ZNRF3: variants seen among roughly 807,000 people sequenced by gnomAD.
ZNRF3 encodes the protein zinc and ring finger 3, also known as E3 ubiquitin-protein ligase ZNRF3.
A neutral mutation model predicts 72.5 loss-of-function variants in ZNRF3; 23 were observed. That is an observed-to-expected ratio of 0.32 (90% CI 0.23 to 0.45). The LOEUF is 0.45. Ranked by LOEUF, ZNRF3 falls within the 20% of genes least tolerant of loss-of-function variation. ZNRF3 has a pLI of 1.00. For missense variants in ZNRF3, 1,169 were observed against 1,272.1 expected (o/e 0.92, Z 1.23); for synonymous variants, 610 against 545.3 (o/e 1.12, Z -1.65).
chr22:29,028,564 T>A (rs1389671123), intron 2 of ZNRF3, among the ~76,000 whole-genome samples: 2 of 152,218 alleles, frequency 1.3e-5, no homozygotes, highest in Non-Finnish European at 2.9e-5. Context: ...ACACTTGATT[T>A]TAGAACCCCC....
intron 1 of ZNRF3, among the ~76,000 whole-genome samples, chr22:28,981,659 C>A (rs1453202353): frequency 2.0e-5 from 3 of 152,182 alleles, no homozygotes; most frequent in Non-Finnish European, 4.4e-5. Context: ...CGGGGATATT[C>A]TCAGCAAAAC....
At position 29,054,847 on chromosome 22, in the gene ZNRF3, C is replaced by T. The variant is rs2037271656; in HGVS notation, c.*1225C>T. On this transcript the variant is annotated 3_prime_UTR_variant, in exon 9 of 9. Coordinates refer to ENST00000544604, the MANE Select transcript of ZNRF3 (RefSeq NM_001206998.2). ...CCATTTGAATGATACCTTTCCTATC[C>T]CATTTCCCCCACGGAAGCACCGCTT... 9.3e-6 allele frequency: 1 copy of T among 107,264 alleles called. No homozygotes were observed. The highest frequency in any genetic ancestry group is 3.7e-4 in the South Asian group (1 of 2,724). 6.6% of individuals were successfully genotyped at this position (107,264 alleles called of 1,614,324 possible). A position where few individuals can be genotyped will look rare whatever the true frequency, so the allele number is the denominator to read the frequency against.
intron 2 of ZNRF3, among the ~76,000 whole-genome samples, chr22:29,010,230 C>T (rs1158473842): frequency 6.6e-6 from 1 of 152,032 alleles, no homozygotes; most frequent in African/African-American, 2.4e-5. Flanking sequence ...ACTGAAACTC[C>T]ATACCTATTA....
intron 1 of ZNRF3, among the ~76,000 whole-genome samples, chr22:28,979,176 G>T (rs2035724390): frequency 6.6e-6 from 1 of 152,184 alleles, no homozygotes; most frequent in East Asian, 1.9e-4. Flanking sequence ...CAACAGGCTG[G>T]TTGCAAAGCC....
chr22:28,987,240 G>A (rs2035870792), intron 2 of ZNRF3, 39 bp downstream of exon 2: 2 of 1,585,200 alleles, frequency 1.3e-6, no homozygotes. Flanking sequence ...GTTTCTGGTT[G>A]GTGTTTTCCA....
intron 1 of ZNRF3, among the ~76,000 whole-genome samples, chr22:28,898,830 G>A (rs1449804276): frequency 6.6e-6 from 1 of 151,534 alleles, no homozygotes; most frequent in South Asian, 2.1e-4. Flanking sequence ...TTTCAATTTA[G>A]CAAACGTTTG....
intron 1 of ZNRF3, among the ~76,000 whole-genome samples, chr22:28,908,170 G>A (rs1311156887): frequency 6.6e-6 from 1 of 152,178 alleles, no homozygotes; most frequent in African/African-American, 2.4e-5. Flanking sequence ...CTGAAAAGAT[G>A]GTTTGGAAGA....
chr22:29,014,976 C>G (rs1051953646), intron 2 of ZNRF3, among the ~76,000 whole-genome samples: 2 of 152,228 alleles, frequency 1.3e-5, no homozygotes, highest in East Asian at 3.8e-4. Flanking sequence ...GTCATCTGTT[C>G]TTTGACACAT....
chr22:29,004,916 C>T (rs553151807), intron 2 of ZNRF3, among the ~76,000 whole-genome samples: 18 of 152,362 alleles, frequency 1.2e-4, no homozygotes, highest in East Asian at 9.6e-4. Context: ...AAGGAAACCC[C>T]GTGAACCTGC....
chr22:29,037,723 T>C (rs2036891306), intron 2 of ZNRF3, among the ~76,000 whole-genome samples: 1 of 152,194 alleles, frequency 6.6e-6, no homozygotes, highest in South Asian at 2.1e-4. Context: ...AAAAGGACCG[T>C]GGCAATCTTT....
At position 29,044,760 on chromosome 22, in the gene ZNRF3, G is replaced by C. The variant is rs764593317; in HGVS notation, c.634-20G>C. 6.4e-7 allele frequency: 1 copy of C among 1,568,370 alleles called. No individual in the cohort carries two copies. On this transcript the variant is annotated intron_variant, in intron 4 of 8. Transcript: ENST00000544604. ...GGCTGGAGAGAGGCTGTGACTCACT[G>C]TGTCTGTGTTCCGTTCCAGCAACCC...
At chr22:28,948,972 T>TTTAA (rs1308626627) in intron 1 of ZNRF3, among the ~76,000 whole-genome samples, 6 of 152,196 alleles carry the variant, frequency 3.9e-5, no homozygotes, top group African/African-American at 1.2e-4. Context: ...AAAATTCACA[T>TTTAA]TTAATTAATT....
At chr22:28,941,520 C>A (rs1410759895) in intron 1 of ZNRF3, among the ~76,000 whole-genome samples, 3 of 152,100 alleles carry the variant, frequency 2.0e-5, no homozygotes, top group Non-Finnish European at 2.9e-5. Context: ...TAGATAAAAT[C>A]TTGGCCTATT....
In ZNRF3 at chr22:28,935,001, C is replaced by G. The variant is rs184321767; in HGVS notation, c.300+50935C>G. On this transcript the variant is annotated intron_variant, in intron 1 of 8. Coordinates refer to ENST00000544604, the MANE Select transcript of ZNRF3 (RefSeq NM_001206998.2). Reference sequence around the variant, plus strand: ...TACACCTGTTACTTGACTTGCTGGCCCAGGACTTCTCTGAATGTAGGGTAT... The same window carrying G: ...TACACCTGTTACTTGACTTGCTGGCGCAGGACTTCTCTGAATGTAGGGTAT... 2.7e-3 allele frequency among the ~76,000 whole-genome samples: 406 copies of G among 152,096 alleles called. 4 individuals are homozygous for G. The highest frequency in any genetic ancestry group is 9.1e-3 in the African/African-American group (376 of 41,466).
chr22:28,907,552 T>C (rs1471296401), intron 1 of ZNRF3, among the ~76,000 whole-genome samples: 3 of 152,200 alleles, frequency 2.0e-5, no homozygotes, highest in Non-Finnish European at 2.9e-5. Flanking sequence ...CATGGTCTGG[T>C]TCCATGGGGA....
At chr22:28,912,464 C>T (rs1393809887) in intron 1 of ZNRF3, among the ~76,000 whole-genome samples, 6 of 152,028 alleles carry the variant, frequency 3.9e-5, no homozygotes, top group Non-Finnish European at 8.8e-5. Context: ...GATCAAGGAG[C>T]CCGCCTCTTA....
At chr22:28,909,335 G>C (rs1205462645) in intron 1 of ZNRF3, among the ~76,000 whole-genome samples, 2 of 152,092 alleles carry the variant, frequency 1.3e-5, no homozygotes, top group African/African-American at 2.4e-5. Context: ...CAGCAACTTG[G>C]GGCTAACAGC....
At chr22:28,969,436 G>T (rs2035531621) in intron 1 of ZNRF3, among the ~76,000 whole-genome samples, 1 of 152,188 alleles carries the variant, frequency 6.6e-6, no homozygotes, top group Non-Finnish European at 1.5e-5. Context: ...ACACTGAGCA[G>T]AAGGTGATAT....
At chr22:29,004,171 T>G (rs2036199847) in intron 2 of ZNRF3, among the ~76,000 whole-genome samples, 1 of 152,224 alleles carries the variant, frequency 6.6e-6, no homozygotes, top group Admixed American at 6.5e-5. Flanking sequence ...TGGGCTTGCT[T>G]CTCTTGCTGG....
Sources: allele counts gnomAD v4.1 joint callset (sites outside exome capture counted in the v4.1 genomes callset), GRCh38; gene constraint gnomAD v4.1.1; transcripts MANE v1.5; gene names NCBI Gene and HGNC (gene_info 2026-07-23, HGNC 2026-07-21).